Variants in AMZ1 observed in about 807,000 individuals in gnomAD.
The protein encoded by AMZ1 is archaemetzincin-1.
Under a neutral mutation model 29.9 loss-of-function variants are expected in AMZ1, and 39 were observed. The ratio of observed to expected loss-of-function variants is 1.30; its 90% CI spans 1.01 to 1.70. The LOEUF (loss-of-function observed/expected upper bound fraction) is 1.70. Ranked by LOEUF, AMZ1 falls within the 40% of genes most tolerant of loss-of-function variation. The pLI, the probability that AMZ1 is intolerant of heterozygous loss-of-function variation, is 0.00. For missense variants in AMZ1, 1,041 were observed against 680.6 expected (o/e 1.53, Z -5.89); for synonymous variants, 458 against 304.0 (o/e 1.51, Z -5.27).
Position 2,712,410 on chromosome 7 carries a change from C to A in AMZ1, c.1029C>A (p.Thr343=), listed in dbSNP as rs202044040. 1.2e-6 allele frequency: 2 copies of A among 1,611,484 alleles called. No individual in the cohort carries two copies. Among genetic ancestry groups the A allele is most frequent in the African/African-American group, 2.7e-5 (2 of 75,032 alleles). The change falls in exon 7 of 7, where the codon ACC becomes ACA. Residue 343 remains threonine, a synonymous_variant. Transcript: ENST00000683327. ...EAGEPSVWED[T]PPASADSGMC... ...GGGAGCCGTCAGTGTGGGAGGACAC[C>A]CCGCCTGCCAGCGCCGACTCGGGCA... is the stretch of plus-strand genomic sequence containing the variant.
At position 2,731,175 on chromosome 7, in the gene AMZ1, C is replaced by A. The variant is rs1789870058; in HGVS notation, n.550+21359C>A. Reference sequence around the variant, plus strand: ...TCAACGACGACAAACCCCGGGGCTTCCTCGCTCACTGCAGCATGATGTCCT... The same window carrying A: ...TCAACGACGACAAACCCCGGGGCTTACTCGCTCACTGCAGCATGATGTCCT... On this transcript the variant is annotated intron_variant and non_coding_transcript_variant, in intron 4 of 4. Coordinates refer to the AMZ1 transcript ENST00000489665. The surrounding 1 kb of genome is among the most constrained non-coding windows in gnomAD (Gnocchi z 6.0). The A allele has an allele frequency of 6.3e-7, 1 of 1,596,514 alleles. No homozygotes were observed. The highest frequency in any genetic ancestry group is 1.1e-5 in the South Asian group (1 of 89,510).
intron 1 of AMZ1, among the ~76,000 whole-genome samples, chr7:2,681,892 C>G (rs1246017565): frequency 1.3e-5 from 2 of 152,142 alleles, no homozygotes; most frequent in East Asian, 1.9e-4. Flanking sequence ...GACAGACAGA[C>G]AGAGAGATGG....
Position 2,715,899 on chromosome 7 carries a change from A to G in AMZ1, c.*3021A>G, listed in dbSNP as rs1789094834. 1.4e-5 allele frequency: 2 copies of G among 141,730 alleles called. No individual in the cohort carries two copies. The highest frequency in any genetic ancestry group is 3.1e-5 in the Non-Finnish European group (2 of 65,310). 8.8% of individuals were successfully genotyped at this position (141,730 alleles called of 1,614,324 possible). On this transcript the variant is annotated 3_prime_UTR_variant, in exon 7 of 7. Coordinates refer to ENST00000683327, the MANE Select transcript of AMZ1 (RefSeq NM_001384743.1). ...ATTTAGAGATGATGGTTTCCAAGAC[A>G]CACAGGGCCACGGTTCTTTCAGTTT...
chr7:2,715,072 A>T lies in AMZ1; in HGVS notation c.*2194A>T, dbSNP rs1399077809. On this transcript the variant is annotated 3_prime_UTR_variant, in exon 7 of 7. Transcript: ENST00000683327. The stretch of plus-strand genomic sequence containing the variant: ...AAAAGAGGGTCACTTTCAGAAAGGG[A>T]CCTGGGCTTCCTCACAATATGGCGG... The T allele has an allele frequency of 6.6e-6, 1 of 152,160 alleles. No individual in the cohort carries two copies. Among genetic ancestry groups the T allele is most frequent in the Admixed American group, 6.5e-5 (1 of 15,272 alleles). 9.4% of individuals were successfully genotyped at this position (152,160 alleles called of 1,614,324 possible). A position where few individuals can be genotyped will look rare whatever the true frequency, so the allele number is the denominator to read the frequency against.
Position 2,711,562 on chromosome 7 carries a change from G to C in AMZ1, c.949-768G>C, listed in dbSNP as rs538034335. ...GAGAGTGAAATGGAGAAAACATTTA[G>C]GAAGTGAGTTTCAAGTACTGCCTTT... On this transcript the variant is annotated intron_variant, in intron 6 of 6. Coordinates refer to ENST00000683327, the MANE Select transcript of AMZ1 (RefSeq NM_001384743.1). Among the ~76,000 whole-genome samples, 63 of 152,248 alleles carry C rather than the reference G, an allele frequency of 4.1e-4. 1 individual carries two copies. In the South Asian group the frequency reaches 0.013, roughly 31 times the overall value.
At chr7:2,744,215 C>T (rs528008334) in intron 4 of AMZ1, among the ~76,000 whole-genome samples, 4 of 152,368 alleles carry the variant, frequency 2.6e-5, no homozygotes, top group African/African-American at 9.6e-5. Flanking sequence ...AACGGGCAGA[C>T]TGCCTCCTCA....
upstream of AMZ1, among the ~76,000 whole-genome samples, chr7:2,764,060 G>C (rs1206286390): frequency 2.0e-5 from 3 of 152,006 alleles, no homozygotes; most frequent in Non-Finnish European, 4.4e-5. Context: ...TCCTCTGATT[G>C]GTTGAGTATT....
upstream of AMZ1, among the ~76,000 whole-genome samples, chr7:2,687,543 G>C (rs961617495): frequency 6.6e-6 from 1 of 152,228 alleles, no homozygotes; most frequent in African/African-American, 2.4e-5. Context: ...CCGTCATGCC[G>C]GCCTTCACGG....
At position 2,718,241 on chromosome 7, in the gene AMZ1, A is replaced by C. The variant is rs962598118; in HGVS notation, c.*5363A>C. 6.6e-6 allele frequency among the ~76,000 whole-genome samples: 1 copy of C among 152,164 alleles called. No individual in the cohort carries two copies. The highest frequency in any genetic ancestry group is 1.5e-5 in the Non-Finnish European group (1 of 68,026). On this transcript the variant is annotated 3_prime_UTR_variant, in exon 7 of 7. Transcript: ENST00000683327. ...ACCCTGGGGCTCCTCTGATGCCGAG[A>C]GCTCTGGCTCTCCTGACTGTGGGCC...
chr7:2,712,649 C>T lies in AMZ1; in HGVS notation c.1268C>T (p.Ala423Val), dbSNP rs998108766. 5.0e-6 allele frequency: 8 copies of T among 1,612,900 alleles called. No homozygotes were observed. Among genetic ancestry groups the T allele is most frequent in the Admixed American group, 1.7e-5 (1 of 59,966 alleles). ...ATCCAGGCCCTGCAGCGGGAAGTGG[C>T]AGAGGAGGACCTGGTGCAGGTGGAC... is the stretch of plus-strand genomic sequence containing the variant. ...MCIQALQREV[A>V]EEDLVQVDRA... Residue 423 changes from alanine to valine, a missense_variant, in exon 7 of 7, where the codon GCA (alanine) becomes GTA (valine). Transcript: ENST00000683327.
intron 1 of AMZ1, among the ~76,000 whole-genome samples, chr7:2,699,641 G>T (rs993074803): frequency 6.6e-6 from 1 of 152,184 alleles, no homozygotes; most frequent in Non-Finnish European, 1.5e-5. Context: ...GGGGTCCCTA[G>T]GTGATAGGGG....
chr7:2,709,933 G>A, intron 6 of AMZ1, 117 bp downstream of exon 6: 1 of 1,382,292 alleles, frequency 7.2e-7, no homozygotes, highest in Non-Finnish European at 9.9e-7. Flanking sequence ...CAACTGCCGG[G>A]TTCCAGGCAG....
chr7:2,762,821 C>A (rs1451660858), upstream of AMZ1: 16 of 1,522,432 alleles, frequency 1.1e-5, no homozygotes, highest in Admixed American at 2.1e-5. Context: ...CTCCCATCCG[C>A]CACACACCCA....
At position 2,708,673 on chromosome 7, in the gene AMZ1, T is replaced by C. The variant is rs1466343832; in HGVS notation, c.558T>C (p.His186=). 2 of 1,613,204 alleles carry C rather than the reference T, an allele frequency of 1.2e-6. No homozygotes were observed. Among genetic ancestry groups the C allele is most frequent in the South Asian group, 1.1e-5 (1 of 91,080 alleles). The change falls in exon 4 of 7, where the codon CAT becomes CAC. Residue 186 remains histidine, a synonymous_variant. Transcript: ENST00000683327. ...TCACACTGTCTGACCTGTACCCCCATGAGGCCTGGAGCTTCACCTTCAGCA... is the reference window on the plus strand; with the variant it reads ...TCACACTGTCTGACCTGTACCCCCACGAGGCCTGGAGCTTCACCTTCAGCA... ...LGLTLSDLYP[H]EAWSFTFSKF...
At chr7:2,755,557 G>C (rs1474411116) in intron 4 of AMZ1, among the ~76,000 whole-genome samples, 1 of 152,182 alleles carries the variant, frequency 6.6e-6, no homozygotes, top group Non-Finnish European at 1.5e-5. Flanking sequence ...GTCATTGTTA[G>C]TCTATAGAAG....
At position 2,717,350 on chromosome 7, in the gene AMZ1, C is replaced by T. The variant is rs1789188550; in HGVS notation, c.*4472C>T. Among the ~76,000 whole-genome samples, 2 of 152,252 alleles carry T rather than the reference C, an allele frequency of 1.3e-5. No individual in the cohort carries two copies. The highest frequency in any genetic ancestry group is 2.4e-5 in the African/African-American group (1 of 41,470). ...GGTCTGCCTGCCTGTGTGCTGGAAG[C>T]AAACGACGGCCCGTCCTCTAAGCTG... On this transcript the variant is annotated 3_prime_UTR_variant, in exon 7 of 7. Transcript: ENST00000683327.
intron 4 of AMZ1, among the ~76,000 whole-genome samples, chr7:2,734,052 G>A (rs1448622749): frequency 6.6e-6 from 1 of 152,222 alleles, no homozygotes; most frequent in Non-Finnish European, 1.5e-5. Context: ...AGCAAACACA[G>A]GGGAATCTTC....
In AMZ1 at chr7:2,707,214, A is replaced by C. The variant is rs1424750395; in HGVS notation, c.473-1374A>C. Among the ~76,000 whole-genome samples, 65 of 151,948 alleles carry C rather than the reference A, an allele frequency of 4.3e-4. 1 individual carries two copies. Among genetic ancestry groups the C allele is most frequent in the Middle Eastern group, 3.2e-3 (1 of 316 alleles). On this transcript the variant is annotated intron_variant, in intron 3 of 6. Transcript: ENST00000683327. ...CTTGAACCTGGGAGGCGGAGGTTAC[A>C]GTGAACTGAGATAGATAGCGCCACT... is the stretch of plus-strand genomic sequence containing the variant.
upstream of AMZ1, among the ~76,000 whole-genome samples, chr7:2,685,592 T>C (rs373174046): frequency 1.4e-3 from 202 of 145,050 alleles, 5 homozygotes; most frequent in East Asian, 0.036. Context: ...CGGTGGCTCA[T>C]GCCTGTAATC....
Sources: allele counts gnomAD v4.1 joint callset (sites outside exome capture counted in the v4.1 genomes callset), GRCh38; gene constraint gnomAD v4.1.1; non-coding constraint Gnocchi (gnomAD v3.1); transcripts MANE v1.5; gene names NCBI Gene and HGNC (gene_info 2026-07-23, HGNC 2026-07-21).